NECAB3: variants seen among roughly 807,000 people sequenced by gnomAD.
NECAB3 encodes the protein N-terminal EF-hand calcium binding protein 3, also known as N-terminal EF-hand calcium-binding protein 3.
In NECAB3, 38 loss-of-function variants were observed where a neutral mutation model predicts 57.2. That is an observed-to-expected ratio of 0.66 (90% CI 0.51 to 0.87). The LOEUF (loss-of-function observed/expected upper bound fraction) is 0.87, where lower values mean the gene tolerates loss of function less well. NECAB3 is among the 40% of genes least tolerant of loss of function. The pLI, the probability that NECAB3 is intolerant of heterozygous loss-of-function variation, is 0.00. For missense variants in NECAB3, 474 were observed against 527.5 expected (o/e 0.90, Z 0.99); for synonymous variants, 223 against 222.6 (o/e 1.00, Z -0.02).
intron 5 of NECAB3, chr20:33,662,709 G>A (rs2011303517): frequency 2.0e-6 from 1 of 491,966 alleles, no homozygotes; most frequent in Admixed American, 3.6e-5. Context: ...GTAGGCCAAG[G>A]TGGGTGGATA....
chr20:33,662,586 G>A (rs1044270193), intron 5 of NECAB3: 6 of 1,240,736 alleles, frequency 4.8e-6, no homozygotes, highest in Non-Finnish European at 5.6e-6. Flanking sequence ...GAAGTCCTAG[G>A]GGGTGAGGGA....
chr20:33,666,796 T>A (rs1325008688), intron 5 of NECAB3: 1 of 152,244 alleles, frequency 6.6e-6, no homozygotes, highest in Non-Finnish European at 1.5e-5. Flanking sequence ...GAGCGGAGAC[T>A]GAAGCCTGAA....
chr20:33,674,385 T>G lies in NECAB3; in HGVS notation c.-33A>C, dbSNP rs1601181542. The stretch of plus-strand genomic sequence containing the variant: ...CCACCCGCTCGGGCTCGGCTGCGGT[T>G]GCTGCCGACCCTGGACGCCGCGGCG... On this transcript the variant is annotated 5_prime_UTR_variant, in exon 1 of 12. Coordinates refer to ENST00000246190, the MANE Select transcript of NECAB3 (RefSeq NM_031232.4). 8 of 1,153,388 alleles carry G rather than the reference T, an allele frequency of 6.9e-6. No individual in the cohort carries two copies. In the East Asian group the frequency reaches 3.3e-4, roughly 48 times the overall value. 71.4% of individuals were successfully genotyped at this position (1,153,388 alleles called of 1,614,324 possible).
chr20:33,668,158 T>A (rs1370809554), intron 5 of NECAB3: 3 of 1,612,674 alleles, frequency 1.9e-6, no homozygotes, highest in Non-Finnish European at 2.5e-6. Flanking sequence ...CTCCCTGCAC[T>A]CCTTCCAGCG....
chr20:33,668,197 G>T (rs765015385), intron 5 of NECAB3: 2 of 1,608,168 alleles, frequency 1.2e-6, no homozygotes, highest in Admixed American at 3.4e-5. Context: ...CATGTACCAG[G>T]AGTGTGGCTC....
At chr20:33,662,716 G>T (rs532237280) in intron 5 of NECAB3, 5 of 472,056 alleles carry the variant, frequency 1.1e-5, no homozygotes, top group African/African-American at 9.9e-5. Flanking sequence ...AAGGTGGGTG[G>T]ATAACTTCAG....
At chr20:33,669,511 C>T (rs780199514) in intron 4 of NECAB3, 39 bp from the exon 5 acceptor site, 4 of 1,607,398 alleles carry the variant, frequency 2.5e-6, no homozygotes, top group African/African-American at 1.3e-5. Flanking sequence ...CCTGGACCCC[C>T]ACCCATCTAC....
chr20:33,666,649 C>T (rs1425304165), intron 5 of NECAB3: 1 of 152,304 alleles, frequency 6.6e-6, no homozygotes, highest in African/African-American at 2.4e-5. Flanking sequence ...AGGATCAGTC[C>T]TAGCCATCTC....
intron 5 of NECAB3, chr20:33,663,784 T>A (rs1182495362): frequency 7.2e-7 from 1 of 1,397,582 alleles, no homozygotes; most frequent in South Asian, 1.5e-5. Flanking sequence ...GCGCTTCCGG[T>A]CCCCGGGGAA....
In NECAB3 at chr20:33,660,254, C is replaced by T. The variant is rs2122462329; in HGVS notation, c.524+5G>A. On this transcript the variant is annotated splice_donor_5th_base_variant and intron_variant, in intron 6 of 11. Coordinates refer to ENST00000246190, the MANE Select transcript of NECAB3 (RefSeq NM_031232.4). The surrounding 1 kb of genome is among the most constrained non-coding windows in gnomAD (Gnocchi z 4.1). Reference sequence around the variant, plus strand: ...GCCCCACAGGTTGACAGCACCCTTACATACCGCCAGCCATGGGCCTGGGCC... The same window carrying T: ...GCCCCACAGGTTGACAGCACCCTTATATACCGCCAGCCATGGGCCTGGGCC... The T allele has an allele frequency of 6.2e-7, 1 of 1,612,298 alleles. No individual in the cohort carries two copies. Among genetic ancestry groups the T allele is most frequent in the East Asian group, 2.2e-5 (1 of 44,862 alleles).
At chr20:33,668,930 C>G (rs1381620309) in intron 5 of NECAB3, among the ~76,000 whole-genome samples, 2 of 152,244 alleles carry the variant, frequency 1.3e-5, no homozygotes, top group African/African-American at 2.4e-5. Context: ...TGTTCACGTA[C>G]CTGCCTACTC....
intron 1 of NECAB3, among the ~76,000 whole-genome samples, chr20:33,673,216 CA>C (rs2122528276): frequency 6.6e-6 from 1 of 152,294 alleles, no homozygotes; most frequent in South Asian, 2.1e-4. Flanking sequence ...AGCAGCCCAG[CA>C]AAGGGGAGAC....
chr20:33,672,899 G>A (rs943092519), intron 1 of NECAB3, among the ~76,000 whole-genome samples: 4 of 152,200 alleles, frequency 2.6e-5, no homozygotes, highest in African/African-American at 9.6e-5. Context: ...CTTGCGTGCT[G>A]TTGAAAACCA....
chr20:33,674,997 G>A (rs2017927651), upstream of NECAB3, among the ~76,000 whole-genome samples: 1 of 151,942 alleles, frequency 6.6e-6, no homozygotes, highest in Non-Finnish European at 1.5e-5. Flanking sequence ...GGTCTCCAGT[G>A]ACTCCTTGGC....
chr20:33,660,858 A>G lies in NECAB3; in HGVS notation c.388-463T>C, dbSNP rs537722767. Among the ~76,000 whole-genome samples, 14 of 152,220 alleles carry G rather than the reference A, an allele frequency of 9.2e-5. No homozygotes were observed. Among genetic ancestry groups the G allele is most frequent in the African/African-American group, 3.4e-4 (14 of 41,526 alleles). On this transcript the variant is annotated intron_variant, in intron 5 of 11. Coordinates refer to ENST00000246190, the MANE Select transcript of NECAB3 (RefSeq NM_031232.4). The surrounding 1 kb of genome is among the most constrained non-coding windows in gnomAD (Gnocchi z 4.1). ...TCATTCATTCACTCATACACACAACACTGGGTGCTTTTTACTAGGAGCTGC... is the reference window on the plus strand; with the variant it reads ...TCATTCATTCACTCATACACACAACGCTGGGTGCTTTTTACTAGGAGCTGC...
chr20:33,663,736 G>T lies in NECAB3; in HGVS notation c.388-3341C>A, dbSNP rs776940228. 355 of 1,529,336 alleles carry T rather than the reference G, an allele frequency of 2.3e-4. 1 individual carries two copies. Among genetic ancestry groups the T allele is most frequent in the Non-Finnish European group, 2.7e-4 (311 of 1,144,556 alleles). The allele number at this position is 1,529,336 out of a possible 1,614,324, so 94.7% of individuals were successfully genotyped here. ...AGAGGCGCGGCGGCCGGAAGAGGGC[G>T]GGGCCAGGGCAGCTCTGAGCTGGCC... On this transcript the variant is annotated intron_variant, in intron 5 of 11. Transcript: ENST00000246190.
At position 33,658,091 on chromosome 20, in the gene NECAB3, C is replaced by T. The variant is rs867757702; in HGVS notation, c.1071-58G>A. 1.2e-5 allele frequency: 18 copies of T among 1,453,752 alleles called. No homozygotes were observed. In the Admixed American group the frequency reaches 1.6e-4, roughly 13 times the overall value. 90.1% of individuals were successfully genotyped at this position (1,453,752 alleles called of 1,614,324 possible). Reference sequence around the variant, plus strand: ...TCCCCACTCCCGCCCCATCCTGCTGCCAGGATCAGACCCCGGCCCTTCTCA... The same window carrying T: ...TCCCCACTCCCGCCCCATCCTGCTGTCAGGATCAGACCCCGGCCCTTCTCA... On this transcript the variant is annotated intron_variant, in intron 10 of 11. Coordinates refer to ENST00000246190, the MANE Select transcript of NECAB3 (RefSeq NM_031232.4).
chr20:33,665,797 G>A (rs2017629501), intron 5 of NECAB3, among the ~76,000 whole-genome samples: 1 of 152,146 alleles, frequency 6.6e-6, no homozygotes, highest in Non-Finnish European at 1.5e-5. Flanking sequence ...TCAGAACTGA[G>A]TCTTGCTGGG....
Position 33,659,949 on chromosome 20 carries a change from T to C in NECAB3, c.579A>G (p.Ala193=), listed in dbSNP as rs192030113. ...TGACACTCCTCAGGGCTCGGCGTCC[T>C]GCCCGCCGGCTGCCGCAGAGCCTGC... ...AQSRLCGSRR[A]GRRALRSVSR... The change falls in exon 7 of 12, where the codon GCA becomes GCG. Residue 193 remains alanine (A), a synonymous_variant. Transcript: ENST00000246190. 5.6e-4 allele frequency: 870 copies of C among 1,556,342 alleles called. 5 individuals are homozygous for C. In the African/African-American group the frequency reaches 0.01, roughly 19 times the overall value.
Sources: gnomAD v4.1 joint callset for allele counts (sites outside exome capture counted in the v4.1 genomes callset) on GRCh38, gnomAD v4.1.1 for gene constraint, Gnocchi (gnomAD v3.1) non-coding constraint, MANE v1.5 for transcripts, NCBI Gene and HGNC (gene_info 2026-07-23, HGNC 2026-07-21) for gene names.